The following DGKB variants were observed in gnomAD, a reference collection of about 807,000 sequenced individuals.
The protein encoded by DGKB is 90 kDa diacylglycerol kinase.
DGKB carries 67 observed loss-of-function variants against 114.3 expected under a neutral mutation model. The observed-to-expected ratio is 0.59, with a 90% CI of 0.48 to 0.72. The LOEUF (loss-of-function observed/expected upper bound fraction) is 0.72, where lower values mean the gene tolerates loss of function less well. DGKB is among the 30% of genes least tolerant of loss of function. The pLI is 0.00. For missense variants in DGKB, 907 were observed against 975.2 expected (o/e 0.93, Z 0.93); for synonymous variants, 398 against 323.1 (o/e 1.23, Z -2.49).
intron 21 of DGKB, among the ~76,000 whole-genome samples, chr7:14,433,510 AGTATTCTACGGT>A (rs2128795342): frequency 6.6e-6 from 1 of 152,262 alleles, no homozygotes; most frequent in South Asian, 2.1e-4. Flanking sequence ...AGAAAGCGGA[AGTATTCTACGGT>A]GGTGACATCC....
At chr7:14,959,170 A>T (rs1173156847) in intron 1 of DGKB, among the ~76,000 whole-genome samples, 2 of 151,970 alleles carry the variant, frequency 1.3e-5, no homozygotes, top group African/African-American at 4.8e-5. Context: ...TTGTTCAGTT[A>T]TTTTATATTC....
intron 9 of DGKB, among the ~76,000 whole-genome samples, chr7:14,692,867 T>C (rs1338156076): frequency 1.3e-5 from 2 of 151,984 alleles, no homozygotes; most frequent in Non-Finnish European, 2.9e-5. Context: ...AGAAAACAAA[T>C]AGTAATCTCT....
intron 23 of DGKB, among the ~76,000 whole-genome samples, chr7:14,265,418 A>C (rs1270471056): frequency 7.3e-6 from 1 of 137,722 alleles, no homozygotes; most frequent in East Asian, 2.3e-4. Context: ...TACTGTGCTA[A>C]TTGCTCCAGC....
chr7:14,215,673 A>T (rs2128314256), intron 23 of DGKB, among the ~76,000 whole-genome samples: 1 of 152,268 alleles, frequency 6.6e-6, no homozygotes, highest in Non-Finnish European at 1.5e-5. Flanking sequence ...AACTGGCCTA[A>T]TTAAATTAAT....
chr7:14,493,960 A>C (rs1784950666), intron 20 of DGKB, among the ~76,000 whole-genome samples: 1 of 144,334 alleles, frequency 6.9e-6, no homozygotes, highest in Admixed American at 6.9e-5. Context: ...ACACACACAC[A>C]CATCTATGTA....
chr7:14,319,030 C>T (rs528351420), intron 23 of DGKB, among the ~76,000 whole-genome samples: 40 of 151,330 alleles, frequency 2.6e-4, no homozygotes, highest in Admixed American at 6.0e-4. Context: ...AGTAAACTGT[C>T]GCAAGAACAA....
rs117012775 is a variant in DGKB, at chr7:14,587,984, T to C, written c.1434-4847A>G. ...CCACAATGTCTCCAAGGTATGCCTG[T>C]ACGTACTTCCTAGTGCTTAAGGGTA... On this transcript the variant is annotated intron_variant, in intron 17 of 25. Transcript: ENST00000402815. 5.6e-4 allele frequency among the ~76,000 whole-genome samples: 86 copies of C among 152,230 alleles called. 1 individual carries two copies. The East Asian group carries it at 0.016, about 28-fold the overall frequency.
At chr7:14,673,666 G>A (rs574980014) in intron 12 of DGKB, among the ~76,000 whole-genome samples, 70 of 151,988 alleles carry the variant, frequency 4.6e-4, no homozygotes, top group African/African-American at 1.6e-3. Context: ...TAATATGTAT[G>A]AGCCCAAACT....
chr7:14,926,627 C>A (rs1452492958), intron 1 of DGKB, among the ~76,000 whole-genome samples: 4 of 151,140 alleles, frequency 2.6e-5, no homozygotes, highest in Admixed American at 2.6e-4. Flanking sequence ...TTTAATTGGT[C>A]AATTTTTATG....
At chr7:14,952,293 C>G (rs541044989) in intron 1 of DGKB, among the ~76,000 whole-genome samples, 46 of 152,062 alleles carry the variant, frequency 3.0e-4, no homozygotes, top group South Asian at 2.7e-3. Flanking sequence ...GACTATAAAT[C>G]TCTGTTGCCC....
At chr7:14,437,622 T>C (rs916875198) in intron 21 of DGKB, among the ~76,000 whole-genome samples, 1 of 151,984 alleles carries the variant, frequency 6.6e-6, no homozygotes, top group African/African-American at 2.4e-5. Context: ...TCAACTAAGA[T>C]AATTGTGTTA....
chr7:14,176,704 T>TAAC (rs200851834), intron 25 of DGKB, 135 bp downstream of exon 25: 6 of 1,501,414 alleles, frequency 4.0e-6, no homozygotes, highest in Non-Finnish European at 5.3e-6. Context: ...GACACACACA[T>TAAC]AACAACAACA....
intron 5 of DGKB, among the ~76,000 whole-genome samples, chr7:14,722,491 A>G (rs1312200257): frequency 1.3e-5 from 2 of 152,202 alleles, no homozygotes; most frequent in East Asian, 3.9e-4. Context: ...GCATTCATCA[A>G]CTTGATTAAA....
intron 22 of DGKB, among the ~76,000 whole-genome samples, chr7:14,341,389 G>A (rs983604691): frequency 6.6e-6 from 1 of 151,818 alleles, no homozygotes; most frequent in African/African-American, 2.4e-5. Flanking sequence ...AAGCTGAGGT[G>A]AAGGCTATGA....
At position 14,345,288 on chromosome 7, in the gene DGKB, A is replaced by ATT. The variant is rs200364794; in HGVS notation, c.1926+11_1926+12dup. On this transcript the variant is annotated intron_variant, in intron 22 of 25. Transcript: ENST00000402815. The stretch of plus-strand genomic sequence containing the variant: ...TTCATCATATTACAAAAGAGAATTC[A>ATT]TTTTTTTCTTACTTCTATTTCTACA... 10 of 1,464,554 alleles carry ATT rather than the reference A, an allele frequency of 6.8e-6. No homozygotes were observed. Among genetic ancestry groups the ATT allele is most frequent in the African/African-American group, 2.8e-5 (2 of 70,394 alleles). 90.7% of individuals were successfully genotyped at this position (1,464,554 alleles called of 1,614,324 possible).
chr7:14,653,730 A>T (rs1004350128), intron 13 of DGKB, among the ~76,000 whole-genome samples: 3 of 152,158 alleles, frequency 2.0e-5, no homozygotes, highest in African/African-American at 7.2e-5. Flanking sequence ...CATATATGCA[A>T]ATCAATAAAT....
intron 23 of DGKB, among the ~76,000 whole-genome samples, chr7:14,291,921 A>T: frequency 6.6e-6 from 1 of 152,180 alleles, no homozygotes; most frequent in Non-Finnish European, 1.5e-5. Context: ...AGGTAATATC[A>T]GGAGTTTCAG....
intron 17 of DGKB, among the ~76,000 whole-genome samples, chr7:14,585,075 T>C (rs1800535691): frequency 6.6e-6 from 1 of 152,172 alleles, no homozygotes; most frequent in African/African-American, 2.4e-5. Context: ...ATAAATATAA[T>C]AAAATATGTA....
At chr7:14,768,979 C>T (rs960920006) in intron 2 of DGKB, among the ~76,000 whole-genome samples, 9 of 151,196 alleles carry the variant, frequency 6.0e-5, no homozygotes, top group African/African-American at 1.5e-4. Flanking sequence ...GTATTTTAAA[C>T]GAGATGATTT....
Sources: allele counts gnomAD v4.1 joint callset (sites outside exome capture counted in the v4.1 genomes callset), GRCh38; gene constraint gnomAD v4.1.1; transcripts MANE v1.5; gene names NCBI Gene and HGNC (gene_info 2026-07-23, HGNC 2026-07-21).